The following NFS1 variants were observed in gnomAD, a reference collection of about 807,000 sequenced individuals.
NFS1 encodes cysteine desulfurase.
In NFS1, 26 loss-of-function variants were observed where a neutral mutation model predicts 57.3. The ratio of observed to expected loss-of-function variants is 0.45; its 90% CI spans 0.33 to 0.63. The LOEUF (loss-of-function observed/expected upper bound fraction) is 0.63. Among genes scored for constraint, NFS1 ranks in the 20% least tolerant of loss-of-function variants. The pLI is 0.02. For synonymous variants in NFS1, 209 were observed against 216.3 expected (o/e 0.97, Z 0.30); for missense variants, 505 against 605.8 (o/e 0.83, Z 1.75).
At position 35,698,342 on chromosome 20, in the gene NFS1, G is replaced by A. The variant is rs1568967972; in HGVS notation, c.207+139C>T. 3 of 667,756 alleles carry A rather than the reference G, an allele frequency of 4.5e-6. No individual in the cohort carries two copies. In the East Asian group the frequency reaches 8.6e-5, roughly 19 times the overall value. The allele number at this position is 667,756 out of a possible 1,614,324, so 41.4% of individuals were successfully genotyped here. The stretch of plus-strand genomic sequence containing the variant: ...CCAATGCCAGTGGCCTCGAATTTAA[G>A]CCTCCCGACTCCTCGCTCAGTGCTT... On this transcript the variant is annotated intron_variant, in intron 2 of 12. Transcript: ENST00000374092.
intron 7 of NFS1, among the ~76,000 whole-genome samples, chr20:35,677,912 T>G (rs1276662079): frequency 6.6e-6 from 1 of 152,020 alleles, no homozygotes; most frequent in Non-Finnish European, 1.5e-5. Flanking sequence ...AAAAACTGTT[T>G]TAAAAATTAG....
Position 35,699,176 on chromosome 20 carries a change from C to T in NFS1, c.97+16G>A, listed in dbSNP as rs7352964. ...GGACAGGTCCGCGCCTCCCGGAGAG[C>T]GGGACCCGAGCGTACCGCGCAGGCG... On this transcript the variant is annotated intron_variant, in intron 1 of 12. Coordinates refer to ENST00000374092, the MANE Select transcript of NFS1 (RefSeq NM_021100.5). This position sits in a 1 kb window ranked among gnomAD's most constrained non-coding sequence, Gnocchi z 4.4. The T allele has an allele frequency of 1.4e-6, 2 of 1,391,248 alleles. No homozygotes were observed. Among genetic ancestry groups the T allele is most frequent in the South Asian group, 1.6e-5 (1 of 62,084 alleles). 86.2% of individuals were successfully genotyped at this position (1,391,248 alleles called of 1,614,324 possible). A position where few individuals can be genotyped will look rare whatever the true frequency, so the allele number is the denominator to read the frequency against.
intron 7 of NFS1, among the ~76,000 whole-genome samples, chr20:35,676,537 G>C (rs2034747878): frequency 6.6e-6 from 1 of 151,616 alleles, no homozygotes; most frequent in Admixed American, 6.6e-5. Context: ...AGTGAGCCAA[G>C]ATTGTGCCAC....
intron 7 of NFS1, chr20:35,675,768 T>G (rs555183659): frequency 6.6e-6 from 1 of 151,652 alleles, no homozygotes; most frequent in Admixed American, 6.6e-5. Context: ...TCCCAGCTAC[T>G]CAGGAGGCTG....
intron 7 of NFS1, among the ~76,000 whole-genome samples, chr20:35,676,784 AAC>A (rs200321989): frequency 0.015 from 1,824 of 118,140 alleles, 193 homozygotes; most frequent in African/African-American, 0.06. Context: ...AAAAAAAAAA[AAC>A]CAAGAAAGAA....
chr20:35,692,527 TAAAAAAAAAAAAAAAAAA>T (rs61052129), intron 4 of NFS1, among the ~76,000 whole-genome samples: 37 of 42,748 alleles, frequency 8.7e-4, no homozygotes, highest in African/African-American at 2.6e-3. Flanking sequence ...TCATCTATAC[TAAAAAAAAAAAAAAAAAA>T]AAAAAAAAAA....
At chr20:35,686,123 G>A (rs376502443) in intron 5 of NFS1, among the ~76,000 whole-genome samples, 1 of 151,094 alleles carries the variant, frequency 6.6e-6, no homozygotes, top group Non-Finnish European at 1.5e-5. Context: ...TAGAGACGGG[G>A]TTTCACCATG....
intron 5 of NFS1, among the ~76,000 whole-genome samples, chr20:35,688,556 C>CA (rs892841450): frequency 1.3e-5 from 2 of 151,970 alleles, no homozygotes; most frequent in South Asian, 2.1e-4. Flanking sequence ...TATTCCATCT[C>CA]AAAAAACAAA....
rs1229133945 is a variant in NFS1 at position 35,669,658 on chromosome 20, G to A, written c.1338C>T (p.Gly446=). Residue 446 remains glycine, a synonymous_variant, in exon 13 of 13, where the codon GGC becomes GGT. Transcript: ENST00000374092. The part of the protein sequence containing the change: ...MSPLWEMVQD[G]IDLKSIKWTQ... ...TCCACTTGATGCTCTTGAGGTCAAT[G>A]CCATCCTGAACCATCTCCCAGAGAG... 1 of 1,614,134 alleles carries A rather than the reference G, an allele frequency of 6.2e-7. No individual in the cohort carries two copies. The highest frequency in any genetic ancestry group is 1.7e-5 in the Admixed American group (1 of 60,030).
intron 5 of NFS1, chr20:35,682,624 A>C (rs2034868030): frequency 1.3e-5 from 2 of 152,084 alleles, no homozygotes; most frequent in South Asian, 4.1e-4. Context: ...CCCTGTCTCT[A>C]CTAAAAATAC....
intron 3 of NFS1, 83 bp downstream of exon 3, chr20:35,697,601 G>T: frequency 1.2e-6 from 1 of 856,706 alleles, no homozygotes; most frequent in Non-Finnish European, 1.8e-6. Flanking sequence ...CTACCTCCAT[G>T]CACACCTACC....
intron 3 of NFS1, 55 bp downstream of exon 3, chr20:35,697,629 C>A: frequency 8.4e-7 from 1 of 1,193,256 alleles, no homozygotes; most frequent in South Asian, 1.4e-5. Context: ...AAATGCCTCC[C>A]ACAGGCCACT....
Position 35,680,822 on chromosome 20 carries a change from C to T in NFS1, c.705G>A (p.Gln235=). 7 of 1,582,964 alleles carry T rather than the reference C, an allele frequency of 4.4e-6. No homozygotes were observed. Among genetic ancestry groups the T allele is most frequent in the African/African-American group, 1.4e-5 (1 of 73,606 alleles). The change falls in exon 7 of 13, where the codon CAG becomes CAA. Residue 235 remains glutamine, a synonymous_variant. Transcript: ENST00000374092. The part of the protein sequence containing the change: ...RKVYFHTDAA[Q]AVGKIPLDVN... ...CATCAAGTGGGATTTTTCCAACAGC[C>T]TGGGCTGCATCAGTATGGAAATATA...
chr20:35,678,646 C>T (rs1001957578), intron 7 of NFS1, among the ~76,000 whole-genome samples: 2 of 150,366 alleles, frequency 1.3e-5, no homozygotes, highest in Admixed American at 6.6e-5. Flanking sequence ...GAGGTTGCAG[C>T]GAGCCGAGAT....
Position 35,676,929 on chromosome 20 carries a change from C to T in NFS1, c.791-1727G>A, listed in dbSNP as rs113544252. On this transcript the variant is annotated intron_variant, in intron 7 of 12. Transcript: ENST00000374092. ...TTGCCCAGACTGGAGTGCAATGGCA[C>T]GGTCTCAGCTCACCGCAACCTCCAC... Among the ~76,000 whole-genome samples the T allele has an allele frequency of 9.2e-5, 14 of 151,906 alleles. 1 individual carries two copies. Among genetic ancestry groups the T allele is most frequent in the African/African-American group, 3.1e-4 (13 of 41,432 alleles).
intron 7 of NFS1, chr20:35,675,681 A>G (rs969295827): frequency 6.9e-5 from 11 of 158,942 alleles, no homozygotes; most frequent in Admixed American, 6.8e-4. Context: ...GTTAGAAACC[A>G]GCCTGGTCAA....
chr20:35,684,411 T>TAAATAAAATAAAATA lies in NFS1; in HGVS notation c.562-2445_562-2431dup, dbSNP rs60162682. ...AGACAGAGCAAGACTCCATCTCAAATAAATAAAATAAAATAAAATAAAATA... is the reference window on the plus strand; with the variant it reads ...AGACAGAGCAAGACTCCATCTCAAATAAATAAAATAAAATAAAATAAAATAAAATAAAATAAAATA... On this transcript the variant is annotated intron_variant, in intron 5 of 12. Coordinates refer to ENST00000374092, the MANE Select transcript of NFS1 (RefSeq NM_021100.5). 5.7e-3 allele frequency among the ~76,000 whole-genome samples: 703 copies of TAAATAAAATAAAATA among 124,416 alleles called. 12 individuals are homozygous for TAAATAAAATAAAATA. The highest frequency in any genetic ancestry group is 0.019 in the African/African-American group (546 of 28,792). The allele number at this position is 124,416 out of a possible 152,430, so 81.6% of individuals were successfully genotyped here.
intron 4 of NFS1, among the ~76,000 whole-genome samples, chr20:35,696,117 C>A (rs895430586): frequency 1.3e-5 from 2 of 151,158 alleles, no homozygotes; most frequent in African/African-American, 2.4e-5. Flanking sequence ...AAAAAAAAAA[C>A]AAGTGGTTAA....
chr20:35,691,497 T>G (rs749388888), intron 4 of NFS1, among the ~76,000 whole-genome samples: 5 of 150,702 alleles, frequency 3.3e-5, no homozygotes, highest in Non-Finnish European at 5.9e-5. Context: ...TCCGAGCACT[T>G]TGGGAGGCCG....
Sources: allele counts gnomAD v4.1 joint callset (sites outside exome capture counted in the v4.1 genomes callset), GRCh38; gene constraint gnomAD v4.1.1; non-coding constraint Gnocchi (gnomAD v3.1); transcripts MANE v1.5; gene names NCBI Gene and HGNC (gene_info 2026-07-23, HGNC 2026-07-21).